Variants in SLC30A7 observed in about 807,000 individuals in gnomAD.
The protein encoded by SLC30A7 is solute carrier family 30 member 7.
In SLC30A7, 35 loss-of-function variants were observed where a neutral mutation model predicts 46.0. The observed-to-expected ratio is 0.76, with a 90% CI of 0.58 to 1.01. The LOEUF is 1.01. Ranked by LOEUF, SLC30A7 falls within the 50% of genes least tolerant of loss-of-function variation. The pLI, the probability that SLC30A7 is intolerant of heterozygous loss-of-function variation, is 0.00. For synonymous variants in SLC30A7, 147 were observed against 157.8 expected, an observed-to-expected ratio of 0.93 and a Z score of 0.51; for missense variants, 464 against 451.1, an observed-to-expected ratio of 1.03 and a Z score of -0.26.
Position 100,915,193 on chromosome 1 carries a change from T to TTTTCTTTTCTTTCTTTC in SLC30A7, c.655+1394_655+1395insTCTTTCTTTCTTTCTTT, listed in dbSNP as rs1553236582. ...TTTCTTTTTTCTTTTCTTTTCTTTC[T>TTTTCTTTTCTTTCTTTC]TTTCTTTCTTTCTTTCTTTCTTTCT... On this transcript the variant is annotated intron_variant, in intron 6 of 10. Coordinates refer to ENST00000357650, the MANE Select transcript of SLC30A7 (RefSeq NM_133496.5). 1.8e-3 allele frequency among the ~76,000 whole-genome samples: 165 copies of TTTTCTTTTCTTTCTTTC among 90,852 alleles called. 2 individuals are homozygous for TTTTCTTTTCTTTCTTTC. The highest frequency in any genetic ancestry group is 0.013 in the East Asian group (44 of 3,270). The allele number at this position is 90,852 out of a possible 152,430, so 59.6% of individuals were successfully genotyped here. A position where few individuals can be genotyped will look rare whatever the true frequency, so the allele number is the denominator to read the frequency against.
chr1:100,982,029 G>A (rs1236673183), downstream of SLC30A7, among the ~76,000 whole-genome samples: 2 of 152,110 alleles, frequency 1.3e-5, no homozygotes, highest in Non-Finnish European at 2.9e-5. Context: ...CTCCCAAGTT[G>A]TTCTCTCATC....
intron 9 of SLC30A7, among the ~76,000 whole-genome samples, chr1:100,964,282 C>CCTATATAGGTTATATAACCTATAAA (rs1553242346): frequency 9.8e-6 from 1 of 101,700 alleles, no homozygotes; most frequent in Non-Finnish European, 2.3e-5. Context: ...TAACCTATAA[C>CCTATATAGGTTATATAACCTATAAA]ATATATGTTA....
intron 2 of SLC30A7, among the ~76,000 whole-genome samples, chr1:100,897,747 C>T (rs1369771831): frequency 2.6e-4 from 39 of 152,124 alleles, no homozygotes; most frequent in Admixed American, 2.6e-3. Flanking sequence ...ATAAAAAATA[C>T]TCAATAACCA....
At chr1:100,983,279 CTACTT>C (rs1209783741), downstream of SLC30A7, among the ~76,000 whole-genome samples, 1 of 149,936 alleles carries the variant, frequency 6.7e-6, no homozygotes, top group East Asian at 2.0e-4. Flanking sequence ...CAGCAATTTA[CTACTT>C]TTTTTCATTC....
At chr1:100,929,230 AT>A (rs1653518994) in intron 8 of SLC30A7, among the ~76,000 whole-genome samples, 1 of 152,038 alleles carries the variant, frequency 6.6e-6, no homozygotes, top group African/African-American at 2.4e-5. Flanking sequence ...CTCTTGCCTA[AT>A]TTCTCTATGG....
At chr1:100,966,476 T>G (rs1655882290) in intron 10 of SLC30A7, among the ~76,000 whole-genome samples, 1 of 151,514 alleles carries the variant, frequency 6.6e-6, no homozygotes. Context: ...TTCCAGCTAC[T>G]TGGGAGGCTG....
chr1:100,958,554 G>A (rs951891708), intron 8 of SLC30A7, among the ~76,000 whole-genome samples: 4 of 152,060 alleles, frequency 2.6e-5, no homozygotes, highest in African/African-American at 9.7e-5. Flanking sequence ...TGCTGGAAAT[G>A]TTTCCCCTTT....
At chr1:100,961,745 G>T in intron 8 of SLC30A7, 83 bp from the exon 9 acceptor site, 1 of 700,358 alleles carries the variant, frequency 1.4e-6, no homozygotes, top group South Asian at 2.1e-5. Flanking sequence ...ATATTCTACC[G>T]TAGGGAGGCA....
At chr1:100,942,881 G>C (rs1454925461) in intron 8 of SLC30A7, among the ~76,000 whole-genome samples, 1 of 152,166 alleles carries the variant, frequency 6.6e-6, no homozygotes, top group Admixed American at 6.5e-5. Context: ...GGGCTGCCTA[G>C]GTGCCCTTTA....
rs554670699 is a variant in SLC30A7, at chr1:100,921,988, C to T, written c.842+147C>T. Reference sequence around the variant, plus strand: ...TTTTTTTTTGAGACAGAGTCTCGCTCTGTCACCCAGGCTGGAGTGCTGTGG... The same window carrying T: ...TTTTTTTTTGAGACAGAGTCTCGCTTTGTCACCCAGGCTGGAGTGCTGTGG... On this transcript the variant is annotated intron_variant, in intron 8 of 10. Transcript: ENST00000357650. 7 of 729,814 alleles carry T rather than the reference C, an allele frequency of 9.6e-6. No homozygotes were observed. The African/African-American group carries it at 1.0e-4, about 10-fold the overall frequency. 45.2% of individuals were successfully genotyped at this position (729,814 alleles called of 1,614,324 possible). A position where few individuals can be genotyped will look rare whatever the true frequency, so the allele number is the denominator to read the frequency against.
intron 8 of SLC30A7, among the ~76,000 whole-genome samples, chr1:100,954,714 C>A (rs1189211467): frequency 6.6e-6 from 1 of 151,950 alleles, no homozygotes. Flanking sequence ...AAAGCACAAT[C>A]CCAGGTGATA....
At chr1:100,937,510 C>T (rs987809283) in intron 8 of SLC30A7, among the ~76,000 whole-genome samples, 2 of 152,042 alleles carry the variant, frequency 1.3e-5, no homozygotes, top group Admixed American at 1.3e-4. Context: ...CCAGAAAACC[C>T]ATTAACGTAA....
chr1:100,968,406 A>G (rs1655976606), intron 10 of SLC30A7, among the ~76,000 whole-genome samples: 1 of 151,854 alleles, frequency 6.6e-6, no homozygotes, highest in South Asian at 2.1e-4. Context: ...GGTTGCAGTG[A>G]GCTGAGAGCA....
At chr1:100,901,834 T>A (rs1212569812) in intron 2 of SLC30A7, among the ~76,000 whole-genome samples, 3 of 152,264 alleles carry the variant, frequency 2.0e-5, no homozygotes, top group Non-Finnish European at 2.9e-5. Flanking sequence ...TAAAGAGGAG[T>A]CTACGACAAG....
intron 3 of SLC30A7, among the ~76,000 whole-genome samples, chr1:100,910,323 A>C (rs1203963117): frequency 6.6e-6 from 1 of 152,150 alleles, no homozygotes; most frequent in African/African-American, 2.4e-5. Context: ...AACTAAGCCA[A>C]ATATACGATA....
chr1:100,974,874 A>G lies in SLC30A7; in HGVS notation c.*17A>G. On this transcript the variant is annotated 3_prime_UTR_variant, in exon 11 of 11. Transcript: ENST00000357650. Reference sequence around the variant, plus strand: ...GCCATGTAGTGAATGGAAAGAAATTATGCACCTTTTATGGACCAAATTTTT... The same window carrying G: ...GCCATGTAGTGAATGGAAAGAAATTGTGCACCTTTTATGGACCAAATTTTT... The G allele has an allele frequency of 6.3e-7, 1 of 1,597,472 alleles. No homozygotes were observed.
intron 9 of SLC30A7, among the ~76,000 whole-genome samples, chr1:100,963,175 C>G (rs1346917883): frequency 6.6e-6 from 1 of 152,166 alleles, no homozygotes; most frequent in East Asian, 1.9e-4. Context: ...TGAATAACAT[C>G]TAAAACATCA....
intron 9 of SLC30A7, among the ~76,000 whole-genome samples, chr1:100,964,265 T>TGTTATATAACCTATAACCTATATAG (rs59702990): frequency 0.11 from 14,944 of 138,376 alleles, 971 homozygotes; most frequent in Non-Finnish European, 0.14. Flanking sequence ...ACACAATATA[T>TGTTATATAACCTATAACCTATATAG]GTTATATAAC....
At position 100,974,816 on chromosome 1, in the gene SLC30A7, G is replaced by A. The variant is rs141939518; in HGVS notation, c.1090G>A (p.Val364Met). 9 of 1,585,594 alleles carry A rather than the reference G, an allele frequency of 5.7e-6. No individual in the cohort carries two copies. Among genetic ancestry groups the A allele is most frequent in the Non-Finnish European group, 7.8e-6 (9 of 1,160,688 alleles). Residue 364 changes from valine (V) to methionine (M), a missense_variant, in exon 11 of 11, where the codon GTG (valine) becomes ATG (methionine). Coordinates refer to ENST00000357650, the MANE Select transcript of SLC30A7 (RefSeq NM_133496.5). ...QTHNIFTQAG[V>M]RQLYVQIDFA... ...TTTTTTTCTTACTTTTCAGGCTGGAGTGAGACAGCTCTACGTACAGATTGA... is the reference window on the plus strand; with the variant it reads ...TTTTTTTCTTACTTTTCAGGCTGGAATGAGACAGCTCTACGTACAGATTGA...
Sources: allele counts gnomAD v4.1 joint callset (sites outside exome capture counted in the v4.1 genomes callset), GRCh38; gene constraint gnomAD v4.1.1; transcripts MANE v1.5; gene names NCBI Gene and HGNC (gene_info 2026-07-23, HGNC 2026-07-21).